Variants in KLF8 observed in about 807,000 individuals in gnomAD.
KLF8 encodes the protein Krueppel-like factor 8.
A neutral mutation model predicts 18.2 loss-of-function variants in KLF8; 10 were observed. That is an observed-to-expected ratio of 0.55 (90% confidence interval 0.34 to 0.93). The LOEUF (loss-of-function observed/expected upper bound fraction) is 0.93. Ranked by LOEUF, KLF8 falls within the 40% of genes least tolerant of loss-of-function variation. KLF8 has a pLI of 0.02. For missense variants in KLF8, 264 were observed against 277.9 expected (o/e 0.95, Z 0.36); for synonymous variants, 109 against 97.3 (o/e 1.12, Z -0.71).
the KLF8 span, among the ~76,000 whole-genome samples, chrX:56,014,530 G>A: frequency 8.9e-6 from 1 of 112,434 alleles, no homozygotes; most frequent in East Asian, 2.8e-4. Context: ...CTGTTGGTGG[G>A]AATGTAAATT....
At chrX:56,070,490 G>A in the KLF8 span, among the ~76,000 whole-genome samples, 20 of 110,527 alleles carry the variant, frequency 1.8e-4, no homozygotes, top group Non-Finnish European at 3.2e-4. Flanking sequence ...CCATCAAAAG[G>A]AAAGAGATCA....
At chrX:56,043,719 T>C in the KLF8 span, among the ~76,000 whole-genome samples, 3 of 112,263 alleles carry the variant, frequency 2.7e-5, no homozygotes, top group Admixed American at 2.8e-4. Flanking sequence ...TTATCATGAT[T>C]CTTAACTTTT....
the KLF8 span, among the ~76,000 whole-genome samples, chrX:56,026,691 G>T: frequency 8.9e-6 from 1 of 111,865 alleles, no homozygotes; most frequent in Non-Finnish European, 1.9e-5. Flanking sequence ...AACCACAAAT[G>T]CTGGCCCAAT....
the KLF8 span, among the ~76,000 whole-genome samples, chrX:56,221,967 G>A: frequency 1.2e-4 from 13 of 111,269 alleles, no homozygotes; most frequent in African/African-American, 3.6e-4. Flanking sequence ...CGATTGGTCC[G>A]TTTTGACAGG....
At chrX:56,104,684 T>C in the KLF8 span, among the ~76,000 whole-genome samples, 1 of 111,627 alleles carries the variant, frequency 9.0e-6, no homozygotes. Flanking sequence ...TTCATTGATT[T>C]TTTGAAGGGT....
chrX:55,993,991 A>G, the KLF8 span, among the ~76,000 whole-genome samples: 1 of 105,151 alleles, frequency 9.5e-6, no homozygotes. Context: ...GCTCACTGCA[A>G]CCTCCGCCTC....
At chrX:56,094,142 C>T in the KLF8 span, among the ~76,000 whole-genome samples, 2 of 109,499 alleles carry the variant, frequency 1.8e-5, no homozygotes, top group African/African-American at 3.3e-5. Flanking sequence ...ATCAGGAGTC[C>T]AAATACACCA....
the KLF8 span, among the ~76,000 whole-genome samples, chrX:56,190,000 C>T: frequency 9.3e-6 from 1 of 107,228 alleles, no homozygotes; most frequent in African/African-American, 3.4e-5. Context: ...TGCACATGTA[C>T]CCTGAAACTT....
the KLF8 span, among the ~76,000 whole-genome samples, chrX:56,047,310 C>T: frequency 1.8e-5 from 2 of 109,143 alleles, no homozygotes; most frequent in Admixed American, 2.0e-4. Context: ...TACATGTGCA[C>T]AATGTGCAGG....
chrX:56,189,798 C>T, the KLF8 span, among the ~76,000 whole-genome samples: 3 of 96,542 alleles, frequency 3.1e-5, no homozygotes, highest in East Asian at 1.0e-3. Context: ...CATGTTCTCA[C>T]TCATAGGTGG....
At chrX:56,039,262 T>C in the KLF8 span, among the ~76,000 whole-genome samples, 2 of 112,041 alleles carry the variant, frequency 1.8e-5, no homozygotes, top group Non-Finnish European at 3.8e-5. Context: ...GCTTCTGGTG[T>C]TTATGTCATG....
chrX:56,240,042 T>A (rs2066524184), intron 1 of KLF8, among the ~76,000 whole-genome samples: 1 of 112,527 alleles, frequency 8.9e-6, no homozygotes, highest in African/African-American at 3.2e-5. Context: ...CATCTTCAGT[T>A]AGAATGGGCG....
the KLF8 span, among the ~76,000 whole-genome samples, chrX:56,005,567 C>T: frequency 7.1e-5 from 8 of 112,073 alleles, no homozygotes; most frequent in Non-Finnish European, 3.8e-5. Flanking sequence ...TGCACATGTT[C>T]GCATCAGCAT....
At chrX:56,155,862 G>A in the KLF8 span, among the ~76,000 whole-genome samples, 9 of 110,858 alleles carry the variant, frequency 8.1e-5, no homozygotes, top group South Asian at 3.8e-4. Flanking sequence ...ATTTATTTCC[G>A]TGTGTGCTCA....
chrX:55,992,415 T>C, the KLF8 span, among the ~76,000 whole-genome samples: 1 of 112,052 alleles, frequency 8.9e-6, no homozygotes, highest in Non-Finnish European at 1.9e-5. Context: ...TGTAGGTATG[T>C]GGCTTTATTT....
At chrX:56,141,108 C>T in the KLF8 span, among the ~76,000 whole-genome samples, 4 of 111,337 alleles carry the variant, frequency 3.6e-5, no homozygotes, top group Admixed American at 9.6e-5. Context: ...GGACCACAGG[C>T]GCATGCCCCT....
the KLF8 span, among the ~76,000 whole-genome samples, chrX:56,122,099 G>A: frequency 9.0e-6 from 1 of 111,570 alleles, no homozygotes; most frequent in Non-Finnish European, 1.9e-5. Flanking sequence ...CACTCACTAG[G>A]ACATTAATAA....
At chrX:56,134,029 G>T in the KLF8 span, among the ~76,000 whole-genome samples, 1 of 111,356 alleles carries the variant, frequency 9.0e-6, no homozygotes, top group Non-Finnish European at 1.9e-5. Context: ...ACAGACAAAT[G>T]GAAACACATC....
intron 5 of KLF8, among the ~76,000 whole-genome samples, chrX:56,274,531 G>C (rs141589694): frequency 2.9e-3 from 319 of 111,468 alleles, no homozygotes; most frequent in African/African-American, 9.8e-3. Context: ...CACCCCATTT[G>C]TCCATTTTTG....
Sources: allele counts gnomAD v4.1 joint callset (sites outside exome capture counted in the v4.1 genomes callset), GRCh38; gene constraint gnomAD v4.1.1; transcripts MANE v1.5; gene names NCBI Gene and HGNC (gene_info 2026-07-23, HGNC 2026-07-21).